IQGAP2: variants seen among roughly 807,000 people sequenced by gnomAD.
IQGAP2 encodes ras GTPase-activating-like protein IQGAP2.
Under a neutral mutation model 201.3 loss-of-function variants are expected in IQGAP2, and 173 were observed. That is an observed-to-expected ratio of 0.86 (90% CI 0.76 to 0.98). IQGAP2 has a LOEUF of 0.98. IQGAP2 is among the 50% of genes least tolerant of loss of function. The pLI is 0.00. For missense variants in IQGAP2, 1,687 were observed against 1,864.8 expected (o/e 0.90, Z 1.76); for synonymous variants, 675 against 673.9 (o/e 1.00, Z -0.03).
In IQGAP2 at chr5:76,637,098, T is replaced by C. The variant is rs373417790; in HGVS notation, c.1845T>C (p.Thr615=). ...LHKKYDYYYN[T]DSKESSWVTP... ...AAAAATATGACTACTATTACAACAC[T>C]GATTCAAAAGAGAGTTCCTGGGTCA... is the stretch of plus-strand genomic sequence containing the variant. The change falls in exon 16 of 36, where the codon ACT becomes ACC. Residue 615 remains threonine, a synonymous_variant. Transcript: ENST00000274364. The C allele has an allele frequency of 6.2e-7, 1 of 1,611,764 alleles. No individual in the cohort carries two copies. Among genetic ancestry groups the C allele is most frequent in the Non-Finnish European group, 8.5e-7 (1 of 1,178,142 alleles).
At chr5:76,581,944 GAC>G (rs1441591832) in intron 5 of IQGAP2, among the ~76,000 whole-genome samples, 1 of 152,196 alleles carries the variant, frequency 6.6e-6, no homozygotes, top group Non-Finnish European at 1.5e-5. Context: ...GTATACAAAG[GAC>G]ACATTTATTT....
intron 33 of IQGAP2, chr5:76,699,613 C>G (rs981851638): frequency 5.4e-5 from 2 of 37,042 alleles, no homozygotes; most frequent in Non-Finnish European, 5.9e-5. Flanking sequence ...GTTTCTCTCT[C>G]TCTCTCTCTC....
At chr5:76,543,966 A>G (rs563480428) in intron 2 of IQGAP2, among the ~76,000 whole-genome samples, 1 of 152,300 alleles carries the variant, frequency 6.6e-6, no homozygotes, top group South Asian at 2.1e-4. Flanking sequence ...GTACTTAACT[A>G]TCTGTCTGGA....
intron 2 of IQGAP2, among the ~76,000 whole-genome samples, chr5:76,466,470 T>C (rs1286167364): frequency 1.3e-5 from 2 of 152,202 alleles, no homozygotes; most frequent in Non-Finnish European, 2.9e-5. Flanking sequence ...CCACAGTAAT[T>C]GAGACAGTAT....
rs139942797 is a variant in IQGAP2, at chr5:76,540,543, C to T, written c.147-21853C>T. 3.0e-3 allele frequency among the ~76,000 whole-genome samples: 453 copies of T among 152,166 alleles called. 5 individuals are homozygous for T. The highest frequency in any genetic ancestry group is 0.01 in the African/African-American group (428 of 41,496). ...GCACAGAGTTGCTGGAAGCCAACAACGGACTGGAATGAGAACAGGGAATGA... is the reference window on the plus strand; with the variant it reads ...GCACAGAGTTGCTGGAAGCCAACAATGGACTGGAATGAGAACAGGGAATGA... On this transcript the variant is annotated intron_variant, in intron 2 of 35. Transcript: ENST00000274364.
chr5:76,606,475 C>G (rs1357895911), intron 12 of IQGAP2, 172 bp downstream of exon 12: 6 of 410,010 alleles, frequency 1.5e-5, no homozygotes, highest in Non-Finnish European at 2.6e-5. Flanking sequence ...ACCACTGTAC[C>G]AATATGTTAT....
intron 12 of IQGAP2, 116 bp from the exon 13 acceptor site, chr5:76,610,904 G>T: frequency 1.4e-6 from 1 of 708,896 alleles, no homozygotes; most frequent in Admixed American, 3.1e-5. Context: ...TTTTGTGCTT[G>T]CATCTTGCAT....
chr5:76,581,063 G>A (rs778582624), intron 5 of IQGAP2, among the ~76,000 whole-genome samples: 6 of 152,174 alleles, frequency 3.9e-5, no homozygotes, highest in Non-Finnish European at 7.3e-5. Context: ...GTTTTCAGGT[G>A]CAATGGTGAT....
intron 14 of IQGAP2, among the ~76,000 whole-genome samples, chr5:76,629,857 A>C (rs1580667151): frequency 6.6e-6 from 1 of 152,216 alleles, no homozygotes; most frequent in South Asian, 2.1e-4. Flanking sequence ...GTTCCTTGGC[A>C]GAAACATACC....
intron 1 of IQGAP2, among the ~76,000 whole-genome samples, chr5:76,422,351 T>A (rs1456747349): frequency 1.3e-5 from 2 of 152,218 alleles, no homozygotes; most frequent in Non-Finnish European, 2.9e-5. Flanking sequence ...GGAGTCTGAC[T>A]TCACTGTGCT....
In IQGAP2 at chr5:76,500,555, A is replaced by G. The variant is rs185788795; in HGVS notation, c.146+38886A>G. ...ACGAAAGTGCATGGAACATATATGT[A>G]TGAATTAAGGAATACTAAATATACG... is the stretch of plus-strand genomic sequence containing the variant. On this transcript the variant is annotated intron_variant, in intron 2 of 35. Coordinates refer to ENST00000274364, the MANE Select transcript of IQGAP2 (RefSeq NM_006633.5). Among the ~76,000 whole-genome samples the G allele has an allele frequency of 3.9e-4, 59 of 152,348 alleles. No individual in the cohort carries two copies. The East Asian group carries it at 6.9e-3, about 18-fold the overall frequency.
At position 76,446,527 on chromosome 5, in the gene IQGAP2, A is replaced by T. The variant is rs536799389; in HGVS notation, c.47-15043A>T. Among the ~76,000 whole-genome samples, 3 of 152,294 alleles carry T rather than the reference A, an allele frequency of 2.0e-5. No individual in the cohort carries two copies. In the South Asian group the frequency reaches 6.2e-4, roughly 32 times the overall value. On this transcript the variant is annotated intron_variant, in intron 1 of 35. Coordinates refer to ENST00000274364, the MANE Select transcript of IQGAP2 (RefSeq NM_006633.5). ...TGGTTAATCAGATGCTGGTTAATCA[A>T]TGTTTACCAGCAAAGCCCTCCTTCT...
chr5:76,448,469 A>G (rs892230071), intron 1 of IQGAP2, among the ~76,000 whole-genome samples: 1 of 152,158 alleles, frequency 6.6e-6, no homozygotes, highest in African/African-American at 2.4e-5. Flanking sequence ...TCCAGACCTG[A>G]TATCAAGATG....
At chr5:76,553,596 G>C (rs1419163103) in intron 2 of IQGAP2, among the ~76,000 whole-genome samples, 1 of 152,108 alleles carries the variant, frequency 6.6e-6, no homozygotes, top group Admixed American at 6.5e-5. Flanking sequence ...GGATTTTTGT[G>C]GGGTGGTTTC....
chr5:76,431,874 T>C (rs1250915161), intron 1 of IQGAP2, among the ~76,000 whole-genome samples: 1 of 151,486 alleles, frequency 6.6e-6, no homozygotes, highest in African/African-American at 2.4e-5. Flanking sequence ...CTCTTACTGC[T>C]CAGGCAGTCT....
At chr5:76,570,746 G>T (rs1204646284) in intron 4 of IQGAP2, 89 bp downstream of exon 4, 4 of 873,176 alleles carry the variant, frequency 4.6e-6, no homozygotes, top group Non-Finnish European at 7.6e-6. Context: ...TGGAGACTGG[G>T]TTATGTTAAT....
At chr5:76,576,396 T>G (rs1012460116) in intron 5 of IQGAP2, among the ~76,000 whole-genome samples, 1 of 152,226 alleles carries the variant, frequency 6.6e-6, no homozygotes, top group African/African-American at 2.4e-5. Context: ...ACATTTTATC[T>G]TATTGGCCTG....
intron 13 of IQGAP2, chr5:76,617,416 T>C: frequency 1.7e-6 from 1 of 602,064 alleles, no homozygotes. Context: ...AAAGTGAGAC[T>C]CAGTCTCAAA....
chr5:76,487,961 G>C (rs573035938), intron 2 of IQGAP2, among the ~76,000 whole-genome samples: 1 of 152,346 alleles, frequency 6.6e-6, no homozygotes, highest in East Asian at 1.9e-4. Flanking sequence ...AGTCAGAAAG[G>C]AGTTTAGGGC....
Sources: gnomAD v4.1 joint callset for allele counts (sites outside exome capture counted in the v4.1 genomes callset) on GRCh38, gnomAD v4.1.1 for gene constraint, MANE v1.5 for transcripts, NCBI Gene and HGNC (gene_info 2026-07-23, HGNC 2026-07-21) for gene names.